Variants in RIMBP2 observed in about 807,000 individuals in gnomAD.
RIMBP2 encodes the protein RIMS-binding protein 2.
RIMBP2 carries 48 observed loss-of-function variants against 118.6 expected under a neutral mutation model. The ratio of observed to expected loss-of-function variants is 0.40; its 90% CI spans 0.32 to 0.51. RIMBP2 has a LOEUF of 0.51. Among genes scored for constraint, RIMBP2 ranks in the 20% least tolerant of loss-of-function variants. The probability of loss-of-function intolerance (pLI) is 0.41; values close to 1 mark genes in which losing one functional copy is unlikely to be tolerated. For missense variants in RIMBP2, 1,551 were observed against 1,768.3 expected (o/e 0.88, Z 2.20); for synonymous variants, 762 against 742.9 (o/e 1.03, Z -0.42).
chr12:130,599,913 A>T lies in RIMBP2; in HGVS notation c.-217+28409T>A, dbSNP rs893432244. Among the ~76,000 whole-genome samples, 4 of 152,108 alleles carry T rather than the reference A, an allele frequency of 2.6e-5. 1 individual carries two copies. In the South Asian group the frequency reaches 8.3e-4, roughly 32 times the overall value. On this transcript the variant is annotated intron_variant, in intron 2 of 22. Coordinates refer to ENST00000690449, the MANE Select transcript of RIMBP2 (RefSeq NM_001393629.1). ...GCTGAGGGTAAACCTGCCCCATTCT[A>T]TTCAAAGTCCCCCCTCTGCCCACAG...
chr12:130,428,385 C>A (rs1321261985), intron 14 of RIMBP2, 48 bp from the exon 15 acceptor site: 2 of 1,560,272 alleles, frequency 1.3e-6, no homozygotes, highest in Non-Finnish European at 1.7e-6. Context: ...CCTCCCGCAT[C>A]CTACAAGAGG....
intron 5 of RIMBP2, among the ~76,000 whole-genome samples, chr12:130,476,268 G>A (rs77091070): frequency 0.018 from 2,789 of 152,310 alleles, 83 homozygotes; most frequent in East Asian, 0.16. Flanking sequence ...GTGGGGTCCC[G>A]TGACGGCAAG....
At chr12:130,484,482 G>A (rs75282476) in intron 4 of RIMBP2, among the ~76,000 whole-genome samples, 4,253 of 152,246 alleles carry the variant, frequency 0.028, 91 homozygotes, top group Middle Eastern at 0.048. Flanking sequence ...TTTTCCTCCT[G>A]AGCATCCTCA....
rs549250074 is a variant in RIMBP2, at chr12:130,503,151, G to A, written c.-4+3497C>T. Reference sequence around the variant, plus strand: ...TCATGCCTGTAATCCTAGCACTTTGGGAGGCCAAGGTGAATGGATCACTTA... The same window carrying A: ...TCATGCCTGTAATCCTAGCACTTTGAGAGGCCAAGGTGAATGGATCACTTA... On this transcript the variant is annotated intron_variant, in intron 4 of 22. Transcript: ENST00000690449. Among the ~76,000 whole-genome samples, 6 of 152,120 alleles carry A rather than the reference G, an allele frequency of 3.9e-5. No homozygotes were observed. In the South Asian group the frequency reaches 1.0e-3, roughly 26 times the overall value.
chr12:130,577,300 C>T (rs890567966), intron 2 of RIMBP2, among the ~76,000 whole-genome samples: 1 of 152,130 alleles, frequency 6.6e-6, no homozygotes, highest in South Asian at 2.1e-4. Context: ...GCCTAATAAA[C>T]GCTAGCTATA....
rs924251752 is a variant in RIMBP2, at chr12:130,397,255, C to T, written c.*106G>A. The T allele has an allele frequency of 1.5e-5, 6 of 395,020 alleles. No individual in the cohort carries two copies. Among genetic ancestry groups the T allele is most frequent in the East Asian group, 3.6e-5 (1 of 27,918 alleles). The allele number at this position is 395,020 out of a possible 1,614,324, so 24.5% of individuals were successfully genotyped here. A position where few individuals can be genotyped will look rare whatever the true frequency, so the allele number is the denominator to read the frequency against. On this transcript the variant is annotated 3_prime_UTR_variant, in exon 23 of 23. Transcript: ENST00000690449. ...CAAAAGTGCATTTCTCTACTGGTGT[C>T]AGGGGAGAAGATTGGGTTTTTTTAG...
intron 21 of RIMBP2, among the ~76,000 whole-genome samples, chr12:130,401,724 A>G (rs2074597609): frequency 1.3e-5 from 2 of 151,958 alleles, no homozygotes; most frequent in South Asian, 4.1e-4. Flanking sequence ...GTTTTTAATA[A>G]CATCTAAATA....
At chr12:130,512,103 A>G (rs2050972740) in intron 3 of RIMBP2, among the ~76,000 whole-genome samples, 2 of 152,050 alleles carry the variant, frequency 1.3e-5, no homozygotes, top group South Asian at 2.1e-4. Flanking sequence ...CACGATAAAT[A>G]TTGGCTCCCA....
chr12:130,426,064 G>A (rs1323284980), intron 15 of RIMBP2: 1 of 152,274 alleles, frequency 6.6e-6, no homozygotes, highest in African/African-American at 2.4e-5. Flanking sequence ...ATCCTTAGAG[G>A]ACAGGGATGG....
chr12:130,441,420 A>AATC (rs2078123280), intron 11 of RIMBP2, among the ~76,000 whole-genome samples: 4 of 141,450 alleles, frequency 2.8e-5, no homozygotes, highest in South Asian at 2.1e-4. Context: ...TAATAATAAT[A>AATC]ATAATAATAA....
chr12:130,504,499 T>A (rs1272082643), intron 4 of RIMBP2, among the ~76,000 whole-genome samples: 1 of 152,122 alleles, frequency 6.6e-6, no homozygotes, highest in African/African-American at 2.4e-5. Flanking sequence ...GGGAAGATGC[T>A]GCATCGCCGG....
At chr12:130,588,444 T>C (rs372668831) in intron 2 of RIMBP2, among the ~76,000 whole-genome samples, 3 of 152,282 alleles carry the variant, frequency 2.0e-5, no homozygotes, top group Admixed American at 6.5e-5. Flanking sequence ...CAGCAGCCAT[T>C]AAAATAAACA....
intron 2 of RIMBP2, among the ~76,000 whole-genome samples, chr12:130,519,072 T>C (rs1416679954): frequency 6.6e-6 from 1 of 152,256 alleles, no homozygotes; most frequent in African/African-American, 2.4e-5. Context: ...ACTTCTCTTT[T>C]TCCCAATTGT....
At chr12:130,666,284 T>G (rs1301200930) in intron 1 of RIMBP2, among the ~76,000 whole-genome samples, 1 of 152,076 alleles carries the variant, frequency 6.6e-6, no homozygotes, top group African/African-American at 2.4e-5. Flanking sequence ...AGAGAGAGTC[T>G]AAAACATGGC....
chr12:130,615,297 G>A (rs7954968), intron 2 of RIMBP2, among the ~76,000 whole-genome samples: 83,291 of 114,448 alleles, frequency 0.73, 29,948 homozygotes, highest in East Asian at 0.83. Flanking sequence ...ATATATATAT[G>A]TGTACACACA....
At chr12:130,610,087 C>G (rs2060421319) in intron 2 of RIMBP2, among the ~76,000 whole-genome samples, 1 of 152,216 alleles carries the variant, frequency 6.6e-6, no homozygotes, top group African/African-American at 2.4e-5. Context: ...ACAAAGTCAA[C>G]CATCACGGGG....
chr12:130,554,702 T>A (rs983598019), intron 2 of RIMBP2, among the ~76,000 whole-genome samples: 1 of 152,198 alleles, frequency 6.6e-6, no homozygotes, highest in Admixed American at 6.5e-5. Flanking sequence ...GCAGTGGGTG[T>A]CATCATTATC....
intron 7 of RIMBP2, among the ~76,000 whole-genome samples, chr12:130,452,649 GC>G (rs1465486453): frequency 1.5e-4 from 23 of 152,350 alleles, no homozygotes; most frequent in Non-Finnish European, 2.6e-4. Context: ...GAGGGGAGTG[GC>G]AGGCTCCACT....
intron 4 of RIMBP2, among the ~76,000 whole-genome samples, chr12:130,501,245 G>T (rs769352970): frequency 6.6e-6 from 1 of 152,094 alleles, no homozygotes; most frequent in Non-Finnish European, 1.5e-5. Context: ...CCATCATCTC[G>T]CATCAGGACA....
Sources: gnomAD v4.1 joint callset for allele counts (sites outside exome capture counted in the v4.1 genomes callset) on GRCh38, gnomAD v4.1.1 for gene constraint, MANE v1.5 for transcripts, NCBI Gene and HGNC (gene_info 2026-07-23, HGNC 2026-07-21) for gene names.